STPG2: variants seen among roughly 807,000 people sequenced by gnomAD.
The protein encoded by STPG2 is sperm tail PG-rich repeat containing 2.
A neutral mutation model predicts 54.2 loss-of-function variants in STPG2; 56 were observed. The observed-to-expected ratio is 1.03, with a 90% CI of 0.83 to 1.29. STPG2 has a LOEUF of 1.29. Ranked by LOEUF, STPG2 falls within the 50% of genes most tolerant of loss-of-function variation. The probability of loss-of-function intolerance (pLI) is 0.00; values close to 1 mark genes in which losing one functional copy is unlikely to be tolerated. For missense variants in STPG2, 596 were observed against 544.9 expected, an observed-to-expected ratio of 1.09 and a Z score of -0.93; for synonymous variants, 200 against 181.8, an observed-to-expected ratio of 1.10 and a Z score of -0.81.
At chr4:97,443,180 A>G (rs1340305766) in intron 4 of STPG2, among the ~76,000 whole-genome samples, 1 of 152,186 alleles carries the variant, frequency 6.6e-6, no homozygotes, top group Non-Finnish European at 1.5e-5. Flanking sequence ...AGTGAGCCTT[A>G]CATTTCCCTC....
chr4:97,857,291 G>T (rs1343887468), intron 8 of STPG2, among the ~76,000 whole-genome samples: 1 of 151,988 alleles, frequency 6.6e-6, no homozygotes, highest in Non-Finnish European at 1.5e-5. Flanking sequence ...CTGGTGTTGG[G>T]CTTTTTCTTG....
chr4:97,886,341 GACTA>G (rs772902389), intron 8 of STPG2, among the ~76,000 whole-genome samples: 62 of 152,230 alleles, frequency 4.1e-4, no homozygotes, highest in Admixed American at 7.2e-4. Flanking sequence ...GTAGAAAACA[GACTA>G]ACTAACATAT....
intron 4 of STPG2, among the ~76,000 whole-genome samples, chr4:97,453,203 G>A (rs1208349479): frequency 6.6e-6 from 1 of 152,202 alleles, no homozygotes; most frequent in African/African-American, 2.4e-5. Flanking sequence ...TGCATGTTCT[G>A]GAGCCAGCAG....
At chr4:97,921,269 C>T (rs918611971) in intron 8 of STPG2, among the ~76,000 whole-genome samples, 54 of 152,166 alleles carry the variant, frequency 3.5e-4, no homozygotes, top group African/African-American at 1.1e-3. Flanking sequence ...AATCCTGCTC[C>T]GGCAGCCCCA....
In STPG2 at chr4:98,039,162, G is replaced by A. The variant is rs141948677; in HGVS notation, c.613-57844C>T. On this transcript the variant is annotated intron_variant, in intron 5 of 10. Transcript: ENST00000295268. ...GTGTATCAAAGACACAGGCAAAGAC[G>A]GTTAGTGCAACATTATTTGTAATAG... 4.3e-3 allele frequency among the ~76,000 whole-genome samples: 650 copies of A among 151,750 alleles called. 3 individuals are homozygous for A. The highest frequency in any genetic ancestry group is 0.025 in the South Asian group (118 of 4,812).
At chr4:97,895,568 T>A (rs1159699913) in intron 8 of STPG2, among the ~76,000 whole-genome samples, 1 of 151,788 alleles carries the variant, frequency 6.6e-6, no homozygotes, top group Non-Finnish European at 1.5e-5. Flanking sequence ...TGCTAACAAA[T>A]TGAACTTAAT....
At chr4:97,507,229 C>T (rs981352985) in intron 4 of STPG2, among the ~76,000 whole-genome samples, 4 of 151,842 alleles carry the variant, frequency 2.6e-5, no homozygotes, top group Non-Finnish European at 5.9e-5. Flanking sequence ...AGTTAAACCA[C>T]GAGGACACAA....
intron 10 of STPG2, among the ~76,000 whole-genome samples, chr4:97,580,829 T>G (rs1170127794): frequency 6.6e-6 from 1 of 152,092 alleles, no homozygotes; most frequent in Non-Finnish European, 1.5e-5. Flanking sequence ...ATTCATTATG[T>G]GAAATATAAT....
intron 8 of STPG2, among the ~76,000 whole-genome samples, chr4:97,876,298 C>T (rs960934539): frequency 7.2e-5 from 11 of 151,976 alleles, no homozygotes; most frequent in African/African-American, 9.7e-5. Context: ...GTTTAATATA[C>T]GATTTTTTAT....
chr4:97,833,330 C>T (rs1212524945), intron 9 of STPG2, among the ~76,000 whole-genome samples: 1 of 152,146 alleles, frequency 6.6e-6, no homozygotes, highest in African/African-American at 2.4e-5. Context: ...TGGATATCTT[C>T]CTTATACCTT....
intron 8 of STPG2, among the ~76,000 whole-genome samples, chr4:97,925,439 T>G (rs2658475): frequency 0.84 from 127,462 of 152,134 alleles, 53,563 homozygotes; most frequent in Middle Eastern, 0.94. Flanking sequence ...GTATATAAGT[T>G]CACTATGACC....
chr4:97,963,798 AAAGG>A (rs1733989215), intron 7 of STPG2, among the ~76,000 whole-genome samples: 1 of 152,036 alleles, frequency 6.6e-6, no homozygotes, highest in Non-Finnish European at 1.5e-5. Context: ...GACAAATATC[AAAGG>A]TTGATGACAG....
chr4:98,059,705 C>A (rs559539049), intron 5 of STPG2, among the ~76,000 whole-genome samples: 1 of 151,122 alleles, frequency 6.6e-6, no homozygotes, highest in South Asian at 2.1e-4. Flanking sequence ...CATCAAAGGG[C>A]TAATCTACCA....
rs1193760324 is a variant in STPG2, at chr4:97,759,643, T to C, written c.1205-46829A>G. ...GGAGGATTTAGCAATTCCCAGGTGG[T>C]AATATTTGGGGAATTCATATAAAAC... On this transcript the variant is annotated intron_variant, in intron 9 of 10. Coordinates refer to ENST00000295268, the MANE Select transcript of STPG2 (RefSeq NM_174952.3). Among the ~76,000 whole-genome samples, 4 of 152,102 alleles carry C rather than the reference T, an allele frequency of 2.6e-5. No individual in the cohort carries two copies. In the East Asian group the frequency reaches 5.8e-4, roughly 22 times the overall value.
intron 5 of STPG2, among the ~76,000 whole-genome samples, chr4:98,024,053 T>G (rs1271945931): frequency 6.6e-6 from 1 of 152,260 alleles, no homozygotes; most frequent in East Asian, 1.9e-4. Context: ...GCACCCACTG[T>G]CTGGCACTCC....
chr4:97,707,149 AG>A (rs1723969896), intron 10 of STPG2, among the ~76,000 whole-genome samples: 1 of 152,164 alleles, frequency 6.6e-6, no homozygotes, highest in African/African-American at 2.4e-5. Context: ...GTAAATATGT[AG>A]AAATGTTGTT....
intron 10 of STPG2, among the ~76,000 whole-genome samples, chr4:97,586,805 C>T (rs1733013150): frequency 6.6e-6 from 1 of 151,786 alleles, no homozygotes; most frequent in Non-Finnish European, 1.5e-5. Context: ...AATCAACTTA[C>T]CATTAAACAT....
At chr4:97,979,842 A>G (rs1734614667) in intron 6 of STPG2, among the ~76,000 whole-genome samples, 1 of 150,950 alleles carries the variant, frequency 6.6e-6, no homozygotes, top group African/African-American at 2.4e-5. Context: ...CCCCTGCCTC[A>G]GCCTCCCCAA....
intron 4 of STPG2, among the ~76,000 whole-genome samples, chr4:97,487,178 T>A (rs1730387834): frequency 6.6e-6 from 1 of 150,492 alleles, no homozygotes; most frequent in Non-Finnish European, 1.5e-5. Context: ...ATATCACCTG[T>A]CTATACCCCA....
Sources: allele counts gnomAD v4.1 joint callset (sites outside exome capture counted in the v4.1 genomes callset), GRCh38; gene constraint gnomAD v4.1.1; transcripts MANE v1.5; gene names NCBI Gene and HGNC (gene_info 2026-07-23, HGNC 2026-07-21).